Variants in MALT1 observed in about 807,000 individuals in gnomAD.
The protein encoded by MALT1 is mucosa-associated lymphoid tissue lymphoma translocation protein 1.
Under a neutral mutation model 85.5 loss-of-function variants are expected in MALT1, and 36 were observed. The observed-to-expected ratio is 0.42, with a 90% CI of 0.32 to 0.56. The LOEUF (loss-of-function observed/expected upper bound fraction) is 0.56. Ranked by LOEUF, MALT1 falls within the 20% of genes least tolerant of loss-of-function variation. The pLI, the probability that MALT1 is intolerant of heterozygous loss-of-function variation, is 0.10. For synonymous variants in MALT1, 359 were observed against 361.3 expected (o/e 0.99, Z 0.07); for missense variants, 716 against 981.6 (o/e 0.73, Z 3.62).
At chr18:58,729,778 A>G (rs2055121406) in intron 10 of MALT1, among the ~76,000 whole-genome samples, 1 of 152,236 alleles carries the variant, frequency 6.6e-6, no homozygotes, top group Admixed American at 6.5e-5. Context: ...AACATTTCAG[A>G]TAAGAGCTAC....
At chr18:58,678,177 A>G (rs953226039) in intron 1 of MALT1, among the ~76,000 whole-genome samples, 1 of 152,174 alleles carries the variant, frequency 6.6e-6, no homozygotes, top group African/African-American at 2.4e-5. Flanking sequence ...TGAAATAATC[A>G]ACATTATCAC....
intron 1 of MALT1, among the ~76,000 whole-genome samples, chr18:58,674,899 C>T (rs2054217902): frequency 6.6e-6 from 1 of 152,146 alleles, no homozygotes; most frequent in Admixed American, 6.5e-5. Flanking sequence ...CATCTTTCCT[C>T]AAACTGGGTG....
chr18:58,722,243 A>C (rs2054995203), intron 9 of MALT1, among the ~76,000 whole-genome samples: 1 of 151,850 alleles, frequency 6.6e-6, no homozygotes, highest in Admixed American at 6.6e-5. Flanking sequence ...CTGGCTTTCC[A>C]CACTGTTTTA....
intron 1 of MALT1, 122 bp downstream of exon 1, chr18:58,671,974 G>A: frequency 1.6e-6 from 1 of 608,624 alleles, no homozygotes; most frequent in Non-Finnish European, 2.3e-6. Context: ...GTGAGCGGAG[G>A]TGGGGAGGAC....
intron 4 of MALT1, among the ~76,000 whole-genome samples, chr18:58,706,102 C>T (rs1427565894): frequency 1.3e-5 from 2 of 152,204 alleles, no homozygotes; most frequent in Non-Finnish European, 2.9e-5. Flanking sequence ...TCTCCTGCCT[C>T]AGGCTCCCGA....
intron 10 of MALT1, among the ~76,000 whole-genome samples, chr18:58,728,002 G>T (rs1262884612): frequency 6.6e-6 from 1 of 152,158 alleles, no homozygotes; most frequent in Non-Finnish European, 1.5e-5. Context: ...GCCTGCTGGG[G>T]TGGCGGGTGT....
At position 58,744,315 on chromosome 18, in the gene MALT1, T is replaced by G. The variant is rs768550211; in HGVS notation, c.1754-23T>G. ...CTTATCATCAGAAAACCTACCAAAGTTGTTCTTATTGTTCTTTTTCAGAAC... is the reference window on the plus strand; with the variant it reads ...CTTATCATCAGAAAACCTACCAAAGGTGTTCTTATTGTTCTTTTTCAGAAC... On this transcript the variant is annotated intron_variant, in intron 14 of 16. Transcript: ENST00000649217. 5 of 1,565,650 alleles carry G rather than the reference T, an allele frequency of 3.2e-6. No homozygotes were observed. In the South Asian group the frequency reaches 6.0e-5, roughly 19 times the overall value.
In MALT1 at chr18:58,748,701, G is replaced by A; in HGVS notation, c.*859G>A. The A allele has an allele frequency of 5.1e-6, 1 of 194,508 alleles. No individual in the cohort carries two copies. The highest frequency in any genetic ancestry group is 1.1e-5 in the Non-Finnish European group (1 of 93,202). 12.0% of individuals were successfully genotyped at this position (194,508 alleles called of 1,614,324 possible). On this transcript the variant is annotated 3_prime_UTR_variant, in exon 17 of 17. Transcript: ENST00000649217. ...TCTTCTTGAATTTCACTGGCCTAAT[G>A]AGATAATACTCTTATCTTTGGCTCT...
chr18:58,686,257 C>G (rs972037507), intron 2 of MALT1, among the ~76,000 whole-genome samples: 2 of 152,196 alleles, frequency 1.3e-5, no homozygotes, highest in African/African-American at 4.8e-5. Flanking sequence ...AAACTCCTGA[C>G]CTCAGGTAAT....
chr18:58,723,971 T>C (rs2055019134), intron 10 of MALT1, among the ~76,000 whole-genome samples: 2 of 152,348 alleles, frequency 1.3e-5, no homozygotes, highest in South Asian at 2.1e-4. Flanking sequence ...GTTGAGCTCA[T>C]CTGAACCGTG....
intron 4 of MALT1, among the ~76,000 whole-genome samples, chr18:58,708,230 G>T (rs746403277): frequency 6.6e-6 from 1 of 152,056 alleles, no homozygotes. Flanking sequence ...CTCCTCCTTC[G>T]CCTTCTGCAA....
At chr18:58,721,959 T>G (rs2054989535) in intron 9 of MALT1, among the ~76,000 whole-genome samples, 1 of 152,184 alleles carries the variant, frequency 6.6e-6, no homozygotes, top group South Asian at 2.1e-4. Flanking sequence ...CAGGTGCTCT[T>G]GTCACCCTGT....
chr18:58,750,170 C>T lies in MALT1; in HGVS notation c.*2328C>T, dbSNP rs184650620. 27 of 177,922 alleles carry T rather than the reference C, an allele frequency of 1.5e-4. No homozygotes were observed. Among genetic ancestry groups the T allele is most frequent in the Admixed American group, 9.5e-4 (15 of 15,846 alleles). 11.0% of individuals were successfully genotyped at this position (177,922 alleles called of 1,614,324 possible). On this transcript the variant is annotated 3_prime_UTR_variant, in exon 17 of 17. Transcript: ENST00000649217. ...ATACAAGATCAGTTTTATTTCTCTA[C>T]TAACAGCAAACATTCTGAAAATGAG...
chr18:58,705,090 T>C (rs1014000882), intron 4 of MALT1, among the ~76,000 whole-genome samples: 19 of 152,148 alleles, frequency 1.2e-4, no homozygotes, highest in Non-Finnish European at 2.4e-4. Flanking sequence ...TTATTGACTT[T>C]AGCTGTGTCT....
intron 10 of MALT1, among the ~76,000 whole-genome samples, chr18:58,724,585 A>G (rs1273120923): frequency 6.6e-6 from 1 of 152,264 alleles, no homozygotes; most frequent in Non-Finnish European, 1.5e-5. Flanking sequence ...GAGTGCCAAC[A>G]TGATGCCACA....
At position 58,749,054 on chromosome 18, in the gene MALT1, T is replaced by G. The variant is rs984179241; in HGVS notation, c.*1212T>G. 3 of 213,918 alleles carry G rather than the reference T, an allele frequency of 1.4e-5. No homozygotes were observed. Among genetic ancestry groups the G allele is most frequent in the African/African-American group, 6.8e-5 (3 of 44,274 alleles). The allele number at this position is 213,918 out of a possible 1,614,324, so 13.3% of individuals were successfully genotyped here. A position where few individuals can be genotyped will look rare whatever the true frequency, so the allele number is the denominator to read the frequency against. Reference sequence around the variant, plus strand: ...GAATCCAGCAACCTATAAAAAGGATTCTATATCATGACCAAGTGGAATTTA... The same window carrying G: ...GAATCCAGCAACCTATAAAAAGGATGCTATATCATGACCAAGTGGAATTTA... On this transcript the variant is annotated 3_prime_UTR_variant, in exon 17 of 17. Transcript: ENST00000649217.
rs1050958923 is a variant in MALT1, at chr18:58,696,573, T to C, written c.498+86T>C. On this transcript the variant is annotated intron_variant, in intron 3 of 16. Transcript: ENST00000649217. ...AACATTATCGTCCTAAATGTAGTTT[T>C]AACAGTTTGGTAAAAGAGTCTGATA... 4.3e-6 allele frequency: 5 copies of C among 1,154,428 alleles called. No individual in the cohort carries two copies. The Admixed American group carries it at 8.1e-5, about 19-fold the overall frequency. 71.5% of individuals were successfully genotyped at this position (1,154,428 alleles called of 1,614,324 possible).
At chr18:58,706,906 G>A (rs2054759984) in intron 4 of MALT1, among the ~76,000 whole-genome samples, 1 of 151,956 alleles carries the variant, frequency 6.6e-6, no homozygotes, top group African/African-American at 2.4e-5. Flanking sequence ...ATCTTTCATC[G>A]ATTTTGAATC....
In MALT1 at chr18:58,753,842, G is replaced by A. The variant is rs1231373953; in HGVS notation, c.*6000G>A. Reference sequence around the variant, plus strand: ...GGAGTCTTCAGTTTAAAAGTACAGTGTCATTACAGAGTGCTTATTCTGTTA... The same window carrying A: ...GGAGTCTTCAGTTTAAAAGTACAGTATCATTACAGAGTGCTTATTCTGTTA... On this transcript the variant is annotated 3_prime_UTR_variant, in exon 17 of 17. Transcript: ENST00000649217. The A allele has an allele frequency of 1.3e-5, 2 of 152,172 alleles. No individual in the cohort carries two copies. The highest frequency in any genetic ancestry group is 2.9e-5 in the Non-Finnish European group (2 of 68,038). 9.4% of individuals were successfully genotyped at this position (152,172 alleles called of 1,614,324 possible).
Sources: allele counts gnomAD v4.1 joint callset (sites outside exome capture counted in the v4.1 genomes callset), GRCh38; gene constraint gnomAD v4.1.1; transcripts MANE v1.5; gene names NCBI Gene and HGNC (gene_info 2026-07-23, HGNC 2026-07-21).